The following ORC4 variants were observed in gnomAD, a reference collection of about 807,000 sequenced individuals.
ORC4 encodes the protein origin recognition complex subunit 4, also known as origin recognition complex, subunit 4 homolog.
A neutral mutation model predicts 63.9 loss-of-function variants in ORC4; 55 were observed. That is an observed-to-expected ratio of 0.86 (90% CI 0.69 to 1.08). The LOEUF is 1.08. Ranked by LOEUF, ORC4 falls within the 50% of genes least tolerant of loss-of-function variation. ORC4 has a pLI of 0.00. For synonymous variants in ORC4, 150 were observed against 168.5 expected (o/e 0.89, Z 0.85); for missense variants, 511 against 504.4 (o/e 1.01, Z -0.13).
chr2:148,001,119 CGA>C (rs1692275364), intron 1 of ORC4, among the ~76,000 whole-genome samples: 1 of 151,996 alleles, frequency 6.6e-6, no homozygotes, highest in African/African-American at 2.4e-5. Flanking sequence ...GCAAATAAGG[CGA>C]TAAAGGCCCA....
chr2:147,998,555 CT>C (rs1183118580), intron 1 of ORC4, among the ~76,000 whole-genome samples: 1 of 152,246 alleles, frequency 6.6e-6, no homozygotes, highest in South Asian at 2.1e-4. Flanking sequence ...TCTTTTTCTC[CT>C]TTGACCTTGT....
At chr2:148,003,807 G>C (rs1692457305) in intron 1 of ORC4, among the ~76,000 whole-genome samples, 1 of 152,202 alleles carries the variant, frequency 6.6e-6, no homozygotes, top group Admixed American at 6.5e-5. Context: ...AATAGGAAGA[G>C]AGGAAGTCAA....
chr2:147,953,535 A>T (rs550171506), intron 7 of ORC4, among the ~76,000 whole-genome samples: 1 of 152,350 alleles, frequency 6.6e-6, no homozygotes, highest in African/African-American at 2.4e-5. Flanking sequence ...CTAATGCTTT[A>T]AAAGAGAGTT....
At chr2:147,968,457 T>C (rs1295415457) in intron 4 of ORC4, among the ~76,000 whole-genome samples, 1 of 151,832 alleles carries the variant, frequency 6.6e-6, no homozygotes, top group Non-Finnish European at 1.5e-5. Flanking sequence ...AAAAACCAAT[T>C]TGCTTAAAAA....
intron 4 of ORC4, among the ~76,000 whole-genome samples, chr2:147,968,609 G>A (rs1291776875): frequency 1.3e-5 from 2 of 151,950 alleles, no homozygotes; most frequent in African/African-American, 4.8e-5. Context: ...CAGTTAGGAT[G>A]TCTATTTTCA....
At chr2:147,965,469 T>A (rs1689846415) in intron 4 of ORC4, among the ~76,000 whole-genome samples, 1 of 152,036 alleles carries the variant, frequency 6.6e-6, no homozygotes, top group Non-Finnish European at 1.5e-5. Context: ...ATAAGAAAGT[T>A]GTAAAAACAA....
At chr2:147,987,407 C>T (rs1434350692) in intron 1 of ORC4, among the ~76,000 whole-genome samples, 1 of 147,394 alleles carries the variant, frequency 6.8e-6, no homozygotes, top group Non-Finnish European at 1.5e-5. Context: ...CACACACACA[C>T]ACACAAAAAG....
chr2:147,959,931 T>C (rs1020260037), intron 4 of ORC4, among the ~76,000 whole-genome samples: 4 of 152,176 alleles, frequency 2.6e-5, no homozygotes, highest in African/African-American at 4.8e-5. Flanking sequence ...GACACTATAA[T>C]AAGAGTACAT....
intron 8 of ORC4, among the ~76,000 whole-genome samples, chr2:147,949,872 A>C (rs1688857178): frequency 6.6e-6 from 1 of 152,166 alleles, no homozygotes; most frequent in Non-Finnish European, 1.5e-5. Flanking sequence ...AAATGTTATA[A>C]AGATTTTTAA....
Position 147,987,240 on chromosome 2 carries a change from A to G in ORC4, c.-17-11265T>C, listed in dbSNP as rs6715174. Among the ~76,000 whole-genome samples the G allele has an allele frequency of 5.5e-3, 828 of 151,432 alleles. 9 individuals carry two copies. The highest frequency in any genetic ancestry group is 0.019 in the African/African-American group (766 of 41,380). On this transcript the variant is annotated intron_variant, in intron 1 of 13. Transcript: ENST00000392857. Reference sequence around the variant, plus strand: ...AAATATCTAAAGTCCAGCAATTCCTATAATTTTTATTAGGTTAAAAATGTG... The same window carrying G: ...AAATATCTAAAGTCCAGCAATTCCTGTAATTTTTATTAGGTTAAAAATGTG...
In ORC4 at chr2:148,014,929, C is replaced by G. The variant is rs562550978; in HGVS notation, c.-18+5704G>C. Among the ~76,000 whole-genome samples the G allele has an allele frequency of 1.5e-4, 23 of 152,136 alleles. No individual in the cohort carries two copies. In the South Asian group the frequency reaches 4.6e-3, roughly 30 times the overall value. On this transcript the variant is annotated intron_variant, in intron 1 of 13. Coordinates refer to ENST00000392857, the MANE Select transcript of ORC4 (RefSeq NM_181741.4). ...CAGCAGATACTAAGGAGCAACTATACTAGGCCAATAAAAGCAAGATTGTAA... is the reference window on the plus strand; with the variant it reads ...CAGCAGATACTAAGGAGCAACTATAGTAGGCCAATAAAAGCAAGATTGTAA...
intron 1 of ORC4, among the ~76,000 whole-genome samples, chr2:147,993,413 A>G (rs1450256065): frequency 1.3e-5 from 2 of 152,208 alleles, no homozygotes; most frequent in African/African-American, 4.8e-5. Context: ...AAGAATTGCT[A>G]GAAATTACCC....
intron 1 of ORC4, among the ~76,000 whole-genome samples, chr2:147,991,624 T>C (rs987575107): frequency 4.6e-5 from 7 of 151,668 alleles, no homozygotes; most frequent in Admixed American, 4.6e-4. Context: ...AGTTCAGGAG[T>C]TTGAGACCAG....
At chr2:147,953,411 G>A (rs147182588) in intron 7 of ORC4, among the ~76,000 whole-genome samples, 70 of 152,138 alleles carry the variant, frequency 4.6e-4, no homozygotes, top group African/African-American at 1.7e-3. Flanking sequence ...TTATAATTAC[G>A]TAAATATAAT....
rs3768686 is a variant in ORC4 at position 147,935,207 on chromosome 2, T to C, written c.*303A>G. Reference sequence around the variant, plus strand: ...AAGACATCTAGCTGTTAGGTTGAAGTGAGCTCTTCAAATAGACCATTATAT... The same window carrying C: ...AAGACATCTAGCTGTTAGGTTGAAGCGAGCTCTTCAAATAGACCATTATAT... On this transcript the variant is annotated 3_prime_UTR_variant, in exon 14 of 14. Coordinates refer to ENST00000392857, the MANE Select transcript of ORC4 (RefSeq NM_181741.4). 0.33 allele frequency: 104,902 copies of C among 315,970 alleles called. 20,264 individuals are homozygous for C. The highest frequency in any genetic ancestry group is 0.45 in the South Asian group (11,352 of 25,440). 19.6% of individuals were successfully genotyped at this position (315,970 alleles called of 1,614,324 possible).
chr2:148,018,889 A>G (rs1211680496), intron 1 of ORC4, among the ~76,000 whole-genome samples: 1 of 152,242 alleles, frequency 6.6e-6, no homozygotes, highest in Non-Finnish European at 1.5e-5. Flanking sequence ...CAGGTGCCAC[A>G]GACGTTCTAG....
Position 147,975,895 on chromosome 2 carries a change from T to A in ORC4, c.57+7A>T. 6.7e-7 allele frequency: 1 copy of A among 1,489,244 alleles called. No individual in the cohort carries two copies. Among genetic ancestry groups the A allele is most frequent in the South Asian group, 1.1e-5 (1 of 88,644 alleles). The allele number at this position is 1,489,244 out of a possible 1,614,324, so 92.3% of individuals were successfully genotyped here. The stretch of plus-strand genomic sequence containing the variant: ...ATATCTTGAGATTAATGAAAATACA[T>A]ACTAACCTGTGAAAGGCACTCTGTG... On this transcript the variant is annotated splice_region_variant and intron_variant, in intron 2 of 13. Transcript: ENST00000392857.
intron 1 of ORC4, among the ~76,000 whole-genome samples, chr2:148,000,991 C>T (rs1227736421): frequency 6.6e-6 from 1 of 151,976 alleles, no homozygotes; most frequent in African/African-American, 2.4e-5. Context: ...TTTAGAGATA[C>T]AGAAGTATAT....
upstream of ORC4, chr2:148,021,135 G>C (rs1305463064): frequency 6.5e-6 from 1 of 153,890 alleles, no homozygotes; most frequent in Non-Finnish European, 1.4e-5. Flanking sequence ...GATGAAGAGA[G>C]AGGCAGTGGC....
Sources: gnomAD v4.1 joint callset for allele counts (sites outside exome capture counted in the v4.1 genomes callset) on GRCh38, gnomAD v4.1.1 for gene constraint, MANE v1.5 for transcripts, NCBI Gene and HGNC (gene_info 2026-07-23, HGNC 2026-07-21) for gene names.